BRF1: variants seen among roughly 807,000 people sequenced by gnomAD.
BRF1 encodes transcription factor IIIB 90 kDa subunit.
Under a neutral mutation model 81.7 loss-of-function variants are expected in BRF1, and 59 were observed. That is an observed-to-expected ratio of 0.72 (90% CI 0.59 to 0.90). The LOEUF (loss-of-function observed/expected upper bound fraction) is 0.90. Among genes scored for constraint, BRF1 ranks in the 40% least tolerant of loss-of-function variants. The pLI, the probability that BRF1 is intolerant of heterozygous loss-of-function variation, is 0.00. For missense variants in BRF1, 1,050 were observed against 936.3 expected (o/e 1.12, Z -1.58); for synonymous variants, 491 against 395.6 (o/e 1.24, Z -2.86).
chr14:105,254,259 T>C (rs2055757878), intron 4 of BRF1, among the ~76,000 whole-genome samples: 1 of 152,148 alleles, frequency 6.6e-6, no homozygotes, highest in African/African-American at 2.4e-5. Context: ...TTTTTTGTTT[T>C]AGTTTGTTTG....
At chr14:105,291,635 C>T (rs891831383) in intron 1 of BRF1, among the ~76,000 whole-genome samples, 1 of 151,714 alleles carries the variant, frequency 6.6e-6, no homozygotes, top group African/African-American at 2.4e-5. Context: ...TGAGCCAAGA[C>T]TCTGTCAAAA....
At chr14:105,301,363 CTGGAGCTG>C (rs959925828), upstream of BRF1, 10 of 149,964 alleles carry the variant, frequency 6.7e-5, no homozygotes, top group African/African-American at 2.2e-4. Flanking sequence ...GCGAAGGGAA[CTGGAGCTG>C]TGGGCGGGGG....
intron 3 of BRF1, among the ~76,000 whole-genome samples, chr14:105,258,484 G>A (rs1437041561): frequency 5.2e-5 from 7 of 134,358 alleles, no homozygotes; most frequent in East Asian, 2.2e-4. Context: ...GCGAGACTCC[G>A]TCTCAAAAAA....
chr14:105,262,506 G>A (rs886988859), intron 3 of BRF1, among the ~76,000 whole-genome samples: 2 of 152,190 alleles, frequency 1.3e-5, no homozygotes, highest in Non-Finnish European at 2.9e-5. Context: ...ACCCCACGGT[G>A]GGCTCCTGTG....
At chr14:105,216,742 G>A (rs1299997855) in intron 15 of BRF1, among the ~76,000 whole-genome samples, 1 of 152,248 alleles carries the variant, frequency 6.6e-6, no homozygotes, top group Non-Finnish European at 1.5e-5. Flanking sequence ...CTGCCCCACA[G>A]GCGGAAGCAG....
chr14:105,277,984 G>A (rs1272047500), intron 2 of BRF1, among the ~76,000 whole-genome samples: 1 of 152,130 alleles, frequency 6.6e-6, no homozygotes, highest in Non-Finnish European at 1.5e-5. Flanking sequence ...TCGAACTCCT[G>A]ACCTTGTGAT....
intron 4 of BRF1, among the ~76,000 whole-genome samples, chr14:105,253,385 T>C (rs1566839493): frequency 6.6e-6 from 1 of 152,214 alleles, no homozygotes; most frequent in South Asian, 2.1e-4. Context: ...GCTGTCTTCA[T>C]CCCAGGCTTG....
chr14:105,295,465 G>A (rs2057696519), intron 1 of BRF1, among the ~76,000 whole-genome samples: 1 of 151,812 alleles, frequency 6.6e-6, no homozygotes, highest in Admixed American at 6.6e-5. Context: ...AAAATTAGCT[G>A]GGTATAGTAG....
rs587637381 is a variant in BRF1 at position 105,215,619 on chromosome 14, G to GCA, written c.1772+1923_1772+1924dup. Among the ~76,000 whole-genome samples the GCA allele has an allele frequency of 2.3e-3, 301 of 129,430 alleles. 2 individuals are homozygous for GCA. The highest frequency in any genetic ancestry group is 8.4e-3 in the African/African-American group (285 of 33,942). The allele number at this position is 129,430 out of a possible 152,430, so 84.9% of individuals were successfully genotyped here. A position where few individuals can be genotyped will look rare whatever the true frequency, so the allele number is the denominator to read the frequency against. On this transcript the variant is annotated intron_variant, in intron 15 of 17. Coordinates refer to ENST00000547530, the MANE Select transcript of BRF1 (RefSeq NM_001519.4). ...ACACACACTGCATACACAGAAACAG[G>GCA]CACACACACACTGCATACACAGACA...
intron 5 of BRF1, chr14:105,241,709 A>C (rs1595351145): frequency 1.1e-5 from 5 of 462,158 alleles, no homozygotes; most frequent in South Asian, 9.0e-5. Flanking sequence ...AGGGGCGCAC[A>C]CCCAGCAGCC....
intron 3 of BRF1, among the ~76,000 whole-genome samples, chr14:105,270,152 A>G (rs1287245396): frequency 6.8e-6 from 1 of 147,992 alleles, no homozygotes; most frequent in African/African-American, 2.5e-5. Context: ...CAGAAATGAC[A>G]AATTTCAAAA....
At chr14:105,241,033 G>T (rs587713083) in intron 6 of BRF1, among the ~76,000 whole-genome samples, 15 of 152,228 alleles carry the variant, frequency 9.9e-5, no homozygotes, top group Non-Finnish European at 1.8e-4. Context: ...AGGCCGCTCT[G>T]CCCTGAGAGT....
At chr14:105,281,517 C>T (rs1376267965) in intron 2 of BRF1, among the ~76,000 whole-genome samples, 1 of 150,524 alleles carries the variant, frequency 6.6e-6, no homozygotes, top group African/African-American at 2.4e-5. Context: ...ACCCTGAGCC[C>T]GGGTGTGTGG....
intron 3 of BRF1, among the ~76,000 whole-genome samples, chr14:105,262,146 C>T (rs1428657491): frequency 6.6e-6 from 1 of 152,224 alleles, no homozygotes; most frequent in Non-Finnish European, 1.5e-5. Context: ...TCAGGCCCCG[C>T]ACATGCCTGG....
At chr14:105,254,605 AGGCT>A (rs2055775974) in intron 4 of BRF1, among the ~76,000 whole-genome samples, 1 of 151,672 alleles carries the variant, frequency 6.6e-6, no homozygotes, top group Non-Finnish European at 1.5e-5. Flanking sequence ...CTTGTTGCCC[AGGCT>A]GGAGTGCAAT....
intron 3 of BRF1, among the ~76,000 whole-genome samples, chr14:105,261,077 T>C (rs1432007560): frequency 2.0e-5 from 3 of 152,260 alleles, no homozygotes; most frequent in Non-Finnish European, 4.4e-5. Flanking sequence ...GAAAAAAGTC[T>C]GCAGAGAAGA....
chr14:105,250,064 C>T (rs561091813), intron 5 of BRF1: 1 of 1,612,966 alleles, frequency 6.2e-7, no homozygotes, highest in African/African-American at 1.3e-5. Context: ...CTATCTGGTC[C>T]GAATTCCAAC....
intron 5 of BRF1, chr14:105,248,295 G>A: frequency 2.1e-5 from 21 of 985,450 alleles, no homozygotes; most frequent in Non-Finnish European, 2.5e-5. Context: ...AAACAAGCAG[G>A]TCCACCTGCG....
In BRF1 at chr14:105,315,469, G is replaced by C. The variant is rs1216749560; in HGVS notation, c.-309C>G. On this transcript the variant is annotated 5_prime_UTR_variant, in exon 1 of 18. Coordinates refer to the BRF1 transcript ENST00000327359. This position sits in a 1 kb window ranked among gnomAD's most constrained non-coding sequence, Gnocchi z 4.4. Reference sequence around the variant, plus strand: ...GGCCTGGGAGCGACCCCCGGCGCACGGGGCGCGCAGGACTCGGTTGTATCC... The same window carrying C: ...GGCCTGGGAGCGACCCCCGGCGCACCGGGCGCGCAGGACTCGGTTGTATCC... 1 of 152,236 alleles carries C rather than the reference G, an allele frequency of 6.6e-6. No homozygotes were observed. Among genetic ancestry groups the C allele is most frequent in the Non-Finnish European group, 1.5e-5 (1 of 68,060 alleles). 9.4% of individuals were successfully genotyped at this position (152,236 alleles called of 1,614,324 possible).
Sources: gnomAD v4.1 joint callset for allele counts (sites outside exome capture counted in the v4.1 genomes callset) on GRCh38, gnomAD v4.1.1 for gene constraint, Gnocchi (gnomAD v3.1) non-coding constraint, MANE v1.5 for transcripts, NCBI Gene and HGNC (gene_info 2026-07-23, HGNC 2026-07-21) for gene names.